The following EBF4 variants were observed in gnomAD, a reference collection of about 807,000 sequenced individuals.
The protein encoded by EBF4 is transcription factor COE4.
In EBF4, 34 loss-of-function variants were observed where a neutral mutation model predicts 67.1. The ratio of observed to expected loss-of-function variants is 0.51; its 90% confidence interval spans 0.39 to 0.67. The LOEUF (loss-of-function observed/expected upper bound fraction) is 0.67. EBF4 is among the 30% of genes least tolerant of loss of function. The pLI is 0.00. For synonymous variants in EBF4, 387 were observed against 377.7 expected (o/e 1.02, Z -0.29); for missense variants, 837 against 873.3 (o/e 0.96, Z 0.52).
rs116281120 is a variant in EBF4 at position 2,723,878 on chromosome 20, C to T, written c.557+14236C>T. On this transcript the variant is annotated intron_variant, in intron 6 of 16. Transcript: ENST00000609451. ...TTCCACTTCTATGTTTCTTTGTTTT[C>T]ATTTCCTGTCATTTAAAAAATTAAG... 6.5e-3 allele frequency among the ~76,000 whole-genome samples: 988 copies of T among 152,026 alleles called. 10 individuals carry two copies. Among genetic ancestry groups the T allele is most frequent in the African/African-American group, 0.022 (922 of 41,460 alleles).
intron 6 of EBF4, among the ~76,000 whole-genome samples, chr20:2,723,177 G>A (rs933493236): frequency 1.3e-5 from 2 of 151,966 alleles, no homozygotes; most frequent in African/African-American, 2.4e-5. Flanking sequence ...AGTATTCATT[G>A]ATACTTTATT....
chr20:2,749,855 G>A (rs909694489), exon 10 of EBF4: 1 of 1,549,896 alleles, frequency 6.5e-7, no homozygotes, highest in Non-Finnish European at 8.7e-7. Context: ...AGCTCATCAC[G>A]CCCCACGCCA....
At chr20:2,736,308 A>G (rs2087876071) in intron 6 of EBF4, among the ~76,000 whole-genome samples, 1 of 152,062 alleles carries the variant, frequency 6.6e-6, no homozygotes, top group Admixed American at 6.6e-5. Flanking sequence ...GTTCAGTGAC[A>G]CTATTGGAAT....
intron 6 of EBF4, among the ~76,000 whole-genome samples, chr20:2,724,200 A>G (rs2087720053): frequency 6.6e-6 from 1 of 152,250 alleles, no homozygotes; most frequent in Non-Finnish European, 1.5e-5. Flanking sequence ...CATGGAAATC[A>G]ACAACACTAT....
intron 7 of EBF4, among the ~76,000 whole-genome samples, chr20:2,749,087 T>G (rs2088097232): frequency 6.6e-6 from 1 of 152,196 alleles, no homozygotes; most frequent in South Asian, 2.1e-4. Flanking sequence ...CATTCCTGGC[T>G]TGGAGGTCCG....
At chr20:2,754,311 G>A (rs562959465) in intron 14 of EBF4, among the ~76,000 whole-genome samples, 2 of 152,272 alleles carry the variant, frequency 1.3e-5, no homozygotes, top group East Asian at 1.9e-4. Context: ...CAGAGGCTCA[G>A]GGGCTGTTTG....
At chr20:2,753,982 G>A (rs2088198654) in intron 14 of EBF4, among the ~76,000 whole-genome samples, 1 of 13,936 alleles carries the variant, frequency 7.2e-5, no homozygotes, top group African/African-American at 3.4e-4. Context: ...CAACACTGGT[G>A]GGGGTATGGA....
chr20:2,705,458 C>T (rs1040658874), intron 1 of EBF4, 119 bp from the exon 2 acceptor site: 3 of 1,426,134 alleles, frequency 2.1e-6, no homozygotes, highest in Non-Finnish European at 2.9e-6. Flanking sequence ...GGATTTTTTG[C>T]CCAAACTCTT....
chr20:2,702,861 C>T (rs1006462553), intron 1 of EBF4, among the ~76,000 whole-genome samples: 2 of 152,170 alleles, frequency 1.3e-5, no homozygotes, highest in African/African-American at 4.8e-5. Flanking sequence ...CCCCACACTG[C>T]ACCCTCCTTT....
intron 6 of EBF4, among the ~76,000 whole-genome samples, chr20:2,734,598 C>T (rs1265291817): frequency 1.3e-5 from 2 of 152,066 alleles, no homozygotes; most frequent in Non-Finnish European, 2.9e-5. Context: ...TCAGATCCTC[C>T]CTCCCAATTT....
At chr20:2,744,903 C>T (rs1226907772) in intron 6 of EBF4, among the ~76,000 whole-genome samples, 1 of 152,194 alleles carries the variant, frequency 6.6e-6, no homozygotes, top group African/African-American at 2.4e-5. Flanking sequence ...AGCATTCCCA[C>T]ATGAAATCAA....
chr20:2,759,034 T>C, intron 16 of EBF4, 50 bp downstream of exon 16: 2 of 1,507,612 alleles, frequency 1.3e-6, no homozygotes, highest in Non-Finnish European at 9.0e-7. Context: ...GGCCCTGAGA[T>C]GTGCTTGCTC....
At chr20:2,738,099 A>C (rs1164230009) in intron 6 of EBF4, among the ~76,000 whole-genome samples, 5 of 152,048 alleles carry the variant, frequency 3.3e-5, no homozygotes, top group Non-Finnish European at 7.4e-5. Flanking sequence ...ATTCTCACTT[A>C]ATCTTCTGTC....
chr20:2,731,841 G>A (rs2087818017), intron 6 of EBF4, among the ~76,000 whole-genome samples: 1 of 152,202 alleles, frequency 6.6e-6, no homozygotes, highest in Non-Finnish European at 1.5e-5. Context: ...TCTGGGATGT[G>A]AACGTGAATT....
At chr20:2,698,572 A>T (rs993733728) in intron 1 of EBF4, among the ~76,000 whole-genome samples, 1 of 151,868 alleles carries the variant, frequency 6.6e-6, no homozygotes. Flanking sequence ...GGAAGGGGGG[A>T]TGTAGAGGAA....
chr20:2,709,513 A>C lies in EBF4; in HGVS notation c.489-61A>C, dbSNP rs370025842. ...TCAGGGCGCCCCCCACAACTCACAC[A>C]CTGTCGTGGCCCCCTCCTTCCTTGG... is the stretch of plus-strand genomic sequence containing the variant. On this transcript the variant is annotated intron_variant, in intron 5 of 16. Coordinates refer to ENST00000609451, the Ensembl canonical transcript of EBF4. 9.5e-6 allele frequency: 14 copies of C among 1,469,400 alleles called. No homozygotes were observed. In the Admixed American group the frequency reaches 1.9e-4, roughly 20 times the overall value. 91.0% of individuals were successfully genotyped at this position (1,469,400 alleles called of 1,614,324 possible).
intron 6 of EBF4, among the ~76,000 whole-genome samples, chr20:2,727,618 GTTCTAT>G (rs2087762908): frequency 6.6e-6 from 1 of 152,160 alleles, no homozygotes; most frequent in Non-Finnish European, 1.5e-5. Context: ...ATCAATGGTA[GTTCTAT>G]TTCTAATTTT....
intron 6 of EBF4, among the ~76,000 whole-genome samples, chr20:2,737,262 A>G (rs79546674): frequency 0.064 from 7,710 of 119,564 alleles, 408 homozygotes; most frequent in African/African-American, 0.13. Flanking sequence ...AAAAAAAAAA[A>G]AAAGAAAAGA....
chr20:2,731,419 C>G (rs557821983), intron 6 of EBF4, among the ~76,000 whole-genome samples: 28 of 152,206 alleles, frequency 1.8e-4, no homozygotes, highest in South Asian at 1.5e-3. Context: ...CTCAGAGATA[C>G]CAAAAGGGGA....
Sources: allele counts gnomAD v4.1 joint callset (sites outside exome capture counted in the v4.1 genomes callset), GRCh38; gene constraint gnomAD v4.1.1; transcripts MANE v1.5; gene names NCBI Gene and HGNC (gene_info 2026-07-23, HGNC 2026-07-21).